NBEA: variants seen among roughly 807,000 people sequenced by gnomAD.
NBEA encodes neurobeachin, also known as lysosomal-trafficking regulator 2.
Under a neutral mutation model 343.4 loss-of-function variants are expected in NBEA, and 44 were observed. That is an observed-to-expected ratio of 0.13 (90% confidence interval 0.10 to 0.16). NBEA has a LOEUF of 0.16. NBEA is among the 10% of genes least tolerant of loss of function. NBEA has a pLI of 1.00. For missense variants in NBEA, 2,555 were observed against 3,631.3 expected, an observed-to-expected ratio of 0.70 and a Z score of 7.62; for synonymous variants, 1,175 against 1,238.7, an observed-to-expected ratio of 0.95 and a Z score of 1.08.
At chr13:35,139,823 A>C (rs17051879) in intron 17 of NBEA, among the ~76,000 whole-genome samples, 4,167 of 146,268 alleles carry the variant, frequency 0.028, 92 homozygotes, top group South Asian at 0.075. Flanking sequence ...TGTTTTAAAG[A>C]AAACTACAGG....
intron 55 of NBEA, 33 bp downstream of exon 55, chr13:35,655,782 C>G: frequency 6.4e-7 from 1 of 1,564,212 alleles, no homozygotes; most frequent in Non-Finnish European, 8.7e-7. Context: ...TCCTATCAAA[C>G]TATAGTTTAT....
At chr13:35,277,123 A>C (rs1241618192) in intron 34 of NBEA, among the ~76,000 whole-genome samples, 1 of 152,170 alleles carries the variant, frequency 6.6e-6, no homozygotes, top group Non-Finnish European at 1.5e-5. Flanking sequence ...GACAAGATTC[A>C]ACAAAGCTGG....
At chr13:35,530,904 T>G (rs2078231771) in intron 41 of NBEA, among the ~76,000 whole-genome samples, 1 of 152,196 alleles carries the variant, frequency 6.6e-6, no homozygotes, top group Non-Finnish European at 1.5e-5. Context: ...TGCCAGAAAT[T>G]TAAGCTGTCT....
At chr13:35,358,063 C>T (rs1184161719) in intron 38 of NBEA, among the ~76,000 whole-genome samples, 5 of 151,996 alleles carry the variant, frequency 3.3e-5, no homozygotes, top group Admixed American at 2.6e-4. Context: ...ACGCTGTCAC[C>T]CAGGCTGAAG....
Position 35,322,925 on chromosome 13 carries a change from C to T in NBEA, c.5903+13333C>T, listed in dbSNP as rs2038267635. ...AGTGCAGTGGCATGATCTCGGCTCA[C>T]TGCAACCTCCATTTCCAAGGCTCAA... On this transcript the variant is annotated intron_variant, in intron 36 of 58. Coordinates refer to ENST00000379939, the MANE Select transcript of NBEA (RefSeq NM_001385012.1). Among the ~76,000 whole-genome samples the T allele has an allele frequency of 2.0e-5, 3 of 152,170 alleles. No homozygotes were observed. In the South Asian group the frequency reaches 6.2e-4, roughly 32 times the overall value.
chr13:35,611,514 A>G (rs552219355), intron 48 of NBEA, among the ~76,000 whole-genome samples: 1 of 152,302 alleles, frequency 6.6e-6, no homozygotes, highest in Admixed American at 6.5e-5. Flanking sequence ...AGTAAATTTT[A>G]ACAGTTATAT....
chr13:35,141,731 T>A (rs928467993), intron 17 of NBEA, among the ~76,000 whole-genome samples: 2 of 152,220 alleles, frequency 1.3e-5, no homozygotes, highest in African/African-American at 4.8e-5. Flanking sequence ...ATTTTTTAAA[T>A]CCATTGGTAG....
intron 34 of NBEA, among the ~76,000 whole-genome samples, chr13:35,266,917 C>G (rs2152801870): frequency 6.6e-6 from 1 of 151,816 alleles, no homozygotes; most frequent in Admixed American, 6.6e-5. Flanking sequence ...GACAGGAAGC[C>G]TTATTGATAA....
chr13:34,983,127 T>C (rs1451897965), intron 1 of NBEA, among the ~76,000 whole-genome samples: 1 of 152,124 alleles, frequency 6.6e-6, no homozygotes, highest in Non-Finnish European at 1.5e-5. Flanking sequence ...ACCCATTAAC[T>C]CATCATTTAC....
intron 28 of NBEA, among the ~76,000 whole-genome samples, chr13:35,182,107 T>C (rs1490563636): frequency 6.6e-6 from 1 of 151,588 alleles, no homozygotes; most frequent in Non-Finnish European, 1.5e-5. Flanking sequence ...TGGACAAAAA[T>C]GGACAAAGAA....
chr13:35,105,074 T>A (rs1453761741), intron 11 of NBEA, among the ~76,000 whole-genome samples: 1 of 151,814 alleles, frequency 6.6e-6, no homozygotes, highest in Non-Finnish European at 1.5e-5. Context: ...ATGAGGGAAA[T>A]AAGTGTTTAG....
chr13:35,145,178 A>G (rs1477365360), intron 18 of NBEA, among the ~76,000 whole-genome samples: 1 of 152,236 alleles, frequency 6.6e-6, no homozygotes, highest in Non-Finnish European at 1.5e-5. Context: ...CAAGTAGTTC[A>G]TGCTTTGGCA....
chr13:35,343,067 A>C (rs1269309752), intron 36 of NBEA, among the ~76,000 whole-genome samples: 1 of 152,234 alleles, frequency 6.6e-6, no homozygotes, highest in South Asian at 2.1e-4. Flanking sequence ...AGAAAAATAT[A>C]TCCTGGGCAC....
At chr13:35,086,866 G>A (rs1210296678) in intron 10 of NBEA, among the ~76,000 whole-genome samples, 1 of 151,926 alleles carries the variant, frequency 6.6e-6, no homozygotes, top group Non-Finnish European at 1.5e-5. Context: ...ATGCCTCATT[G>A]TGGTTTAGAT....
intron 45 of NBEA, among the ~76,000 whole-genome samples, chr13:35,582,432 G>T (rs1346648826): frequency 1.3e-5 from 2 of 152,002 alleles, no homozygotes; most frequent in Non-Finnish European, 2.9e-5. Context: ...TTTATGTAAT[G>T]TTTAACAAAA....
At chr13:35,298,157 TATAGATAC>T (rs1317016442) in intron 35 of NBEA, among the ~76,000 whole-genome samples, 1 of 149,536 alleles carries the variant, frequency 6.7e-6, no homozygotes, top group African/African-American at 2.5e-5. Context: ...TAAAAATATA[TATAGATAC>T]ATAGCCAGTG....
At chr13:35,531,045 A>G (rs1310891934) in intron 41 of NBEA, among the ~76,000 whole-genome samples, 1 of 152,246 alleles carries the variant, frequency 6.6e-6, no homozygotes, top group Non-Finnish European at 1.5e-5. Context: ...CAAAAATCAG[A>G]TTTAGAAATA....
intron 17 of NBEA, among the ~76,000 whole-genome samples, chr13:35,139,129 C>G (rs2067924957): frequency 7.5e-6 from 1 of 132,800 alleles, no homozygotes; most frequent in African/African-American, 2.9e-5. Context: ...GATGCAATCT[C>G]AGCTCACTGC....
At chr13:35,345,700 G>A (rs575281601) in intron 36 of NBEA, among the ~76,000 whole-genome samples, 1 of 152,154 alleles carries the variant, frequency 6.6e-6, no homozygotes, top group South Asian at 2.1e-4. Flanking sequence ...CAAGAGAGTG[G>A]TTAAAACATG....
Sources: gnomAD v4.1 joint callset for allele counts (sites outside exome capture counted in the v4.1 genomes callset) on GRCh38, gnomAD v4.1.1 for gene constraint, MANE v1.5 for transcripts, NCBI Gene and HGNC (gene_info 2026-07-23, HGNC 2026-07-21) for gene names.